GRTP1: variants seen among roughly 807,000 people sequenced by gnomAD.
The protein encoded by GRTP1 is growth hormone-regulated TBC protein 1.
A neutral mutation model predicts 38.1 loss-of-function variants in GRTP1; 56 were observed. That is an observed-to-expected ratio of 1.47 (90% CI 1.19 to 1.84). The LOEUF (loss-of-function observed/expected upper bound fraction) is 1.84. Ranked by LOEUF, GRTP1 falls within the 40% of genes most tolerant of loss-of-function variation. GRTP1 has a pLI of 0.00. For missense variants in GRTP1, 506 were observed against 453.9 expected, an observed-to-expected ratio of 1.11 and a Z score of -1.04; for synonymous variants, 217 against 189.5, an observed-to-expected ratio of 1.14 and a Z score of -1.19.
intron 5 of GRTP1, among the ~76,000 whole-genome samples, chr13:113,337,005 AAACT>A (rs1424398593): frequency 2.0e-5 from 3 of 152,228 alleles, no homozygotes; most frequent in Non-Finnish European, 4.4e-5. Context: ...TCAACTAAAC[AAACT>A]GAGGCCAGGC....
rs113299686 is a variant in GRTP1 at position 113,347,193 on chromosome 13, C to T, written c.466-2234G>A. Among the ~76,000 whole-genome samples, 27 of 30,022 alleles carry T rather than the reference C, an allele frequency of 9.0e-4. 1 individual carries two copies. The highest frequency in any genetic ancestry group is 6.4e-3 in the East Asian group (2 of 312). 19.7% of individuals were successfully genotyped at this position (30,022 alleles called of 152,430 possible). On this transcript the variant is annotated intron_variant, in intron 4 of 7. Transcript: ENST00000375431. ...GTGGCAGAGAGCAGACCCAGGAGGA[C>T]CTCTGTGGCCGAGAGCAGACCCAGG...
rs895446455 is a variant in GRTP1 at position 113,342,729 on chromosome 13, C to T, written c.562+2134G>A. On this transcript the variant is annotated intron_variant, in intron 5 of 7. Coordinates refer to ENST00000375431, the MANE Select transcript of GRTP1 (RefSeq NM_024719.4). The surrounding 1 kb of genome is among the most constrained non-coding windows in gnomAD (Gnocchi z 4.5). ...CTTAGAGAAGGACATATATTTGCCT[C>T]TTTTCTCTGCCGCTGGGAGAGCTCT... is the stretch of plus-strand genomic sequence containing the variant. Among the ~76,000 whole-genome samples, 2 of 152,198 alleles carry T rather than the reference C, an allele frequency of 1.3e-5. No homozygotes were observed. Among genetic ancestry groups the T allele is most frequent in the Non-Finnish European group, 2.9e-5 (2 of 68,032 alleles).
Position 113,325,716 on chromosome 13 carries a change from T to C in GRTP1, c.866A>G (p.Lys289Arg), listed in dbSNP as rs1312388382. Residue 289 changes from lysine to arginine, a missense_variant, in exon 7 of 8, where the codon AAG (lysine) becomes AGG (arginine). By Grantham distance (26) the Lys-to-Arg change is conservative. Coordinates refer to ENST00000375431, the MANE Select transcript of GRTP1 (RefSeq NM_024719.4). Reference protein sequence around the residue: ...EATSVPDICDKFKQITKGSFV... With the variant: ...EATSVPDICDRFKQITKGSFV... ...ACTCCCTTTGGTTATCTGCTTAAAC[T>C]TATCGCAAATGTCTGGAACGCTGGT... The C allele has an allele frequency of 6.2e-7, 1 of 1,614,136 alleles. No homozygotes were observed. Among genetic ancestry groups the C allele is most frequent in the East Asian group, 2.2e-5 (1 of 44,872 alleles).
intron 5 of GRTP1, among the ~76,000 whole-genome samples, chr13:113,336,466 T>C (rs2042956707): frequency 6.6e-6 from 1 of 152,058 alleles, no homozygotes; most frequent in Admixed American, 6.6e-5. Context: ...CAACTTGGAC[T>C]CAGCACCAGG....
chr13:113,336,404 A>G (rs1023782820), intron 5 of GRTP1, among the ~76,000 whole-genome samples: 7 of 151,802 alleles, frequency 4.6e-5, no homozygotes, highest in African/African-American at 1.5e-4. Context: ...TTCAGTCCCA[A>G]GTCCTCCTCT....
At chr13:113,326,225 G>T in intron 5 of GRTP1, 134 bp from the exon 6 acceptor site, 1 of 1,121,882 alleles carries the variant, frequency 8.9e-7, no homozygotes, top group Non-Finnish European at 1.2e-6. Context: ...CAAAGTTGGA[G>T]AGGAAGAGTC....
At chr13:113,338,911 T>A (rs1409825919) in intron 5 of GRTP1, among the ~76,000 whole-genome samples, 6 of 14,712 alleles carry the variant, frequency 4.1e-4, no homozygotes, top group Admixed American at 1.3e-3. Context: ...TGCTTAGATT[T>A]TTTTTTTTTT....
rs200366209 is a variant in GRTP1 at position 113,363,914 on chromosome 13, C to G, written c.33-4G>C. The stretch of plus-strand genomic sequence containing the variant: ...CTCGAATCCGTACGGGTCGATCCTG[C>G]AAAACCGAGAGAAGGAGGCCGGCGT... On this transcript the variant is annotated splice_polypyrimidine_tract_variant and splice_region_variant and intron_variant, in intron 1 of 7. Transcript: ENST00000375431. The G allele has an allele frequency of 3.7e-6, 6 of 1,609,036 alleles. No individual in the cohort carries two copies. In the East Asian group the frequency reaches 9.0e-5, roughly 24 times the overall value.
At chr13:113,337,754 C>A (rs2042973710) in intron 5 of GRTP1, among the ~76,000 whole-genome samples, 1 of 152,268 alleles carries the variant, frequency 6.6e-6, no homozygotes, top group Non-Finnish European at 1.5e-5. Flanking sequence ...GGGCGTGGCC[C>A]AGGCCACATG....
chr13:113,349,668 C>G lies in GRTP1; in HGVS notation c.465+1181G>C, dbSNP rs2043225569. 6.6e-6 allele frequency among the ~76,000 whole-genome samples: 1 copy of G among 152,212 alleles called. No individual in the cohort carries two copies. The highest frequency in any genetic ancestry group is 1.5e-5 in the Non-Finnish European group (1 of 68,034). ...TGGTGAGGACAGCGTGGTCCCGTGGCTCTGCTGCTGGCCTTTCACAGGGCG... is the reference window on the plus strand; with the variant it reads ...TGGTGAGGACAGCGTGGTCCCGTGGGTCTGCTGCTGGCCTTTCACAGGGCG... On this transcript the variant is annotated intron_variant, in intron 4 of 7. Transcript: ENST00000375431. This position sits in a 1 kb window ranked among gnomAD's most constrained non-coding sequence, Gnocchi z 5.0.
chr13:113,351,313 C>T (rs1372838139), intron 3 of GRTP1, among the ~76,000 whole-genome samples: 1 of 152,214 alleles, frequency 6.6e-6, no homozygotes, highest in Non-Finnish European at 1.5e-5. Context: ...CCTCGGACCT[C>T]GCGCGTAGCG....
chr13:113,329,539 G>A (rs770311220), intron 5 of GRTP1, among the ~76,000 whole-genome samples: 12 of 152,164 alleles, frequency 7.9e-5, no homozygotes, highest in South Asian at 2.1e-4. Context: ...AGCCGAGATC[G>A]TGCCACTGCA....
chr13:113,349,730 A>G lies in GRTP1; in HGVS notation c.465+1119T>C, dbSNP rs548878520. 3.3e-5 allele frequency among the ~76,000 whole-genome samples: 5 copies of G among 152,274 alleles called. No individual in the cohort carries two copies. The highest frequency in any genetic ancestry group is 1.2e-4 in the African/African-American group (5 of 41,550). ...ACGTCCACCCTTTCTCCTCGGGAGC[A>G]TTCACTCTGCCAGGTGCCAGGCCCA... is the stretch of plus-strand genomic sequence containing the variant. On this transcript the variant is annotated intron_variant, in intron 4 of 7. Coordinates refer to ENST00000375431, the MANE Select transcript of GRTP1 (RefSeq NM_024719.4). The surrounding 1 kb of genome is among the most constrained non-coding windows in gnomAD (Gnocchi z 5.0).
chr13:113,358,359 C>T (rs1431788984), intron 2 of GRTP1, among the ~76,000 whole-genome samples: 1 of 152,202 alleles, frequency 6.6e-6, no homozygotes, highest in African/African-American at 2.4e-5. Context: ...ACCATGTTCA[C>T]AGATTGCAAG....
At chr13:113,325,198 G>A (rs2042741454) in intron 7 of GRTP1, 1 of 1,100,692 alleles carries the variant, frequency 9.1e-7, no homozygotes, top group Non-Finnish European at 1.1e-6. Context: ...GCTGCACCCA[G>A]AGTGGCCCCG....
At position 113,349,009 on chromosome 13, in the gene GRTP1, TTC is replaced by T. The variant is rs1182166952; in HGVS notation, c.465+1838_465+1839del. Among the ~76,000 whole-genome samples, 1 of 152,234 alleles carries T rather than the reference TTC, an allele frequency of 6.6e-6. No individual in the cohort carries two copies. Among genetic ancestry groups the T allele is most frequent in the Non-Finnish European group, 1.5e-5 (1 of 68,040 alleles). On this transcript the variant is annotated intron_variant, in intron 4 of 7. Coordinates refer to ENST00000375431, the MANE Select transcript of GRTP1 (RefSeq NM_024719.4). The surrounding 1 kb of genome is among the most constrained non-coding windows in gnomAD (Gnocchi z 5.0). ...TCCAAAAGCCAGCTGTGCTCTGGCA[TTC>T]TGTTAGTATGTAACATTGTGTTTGT...
Position 113,326,026 on chromosome 13 carries a change from C to T in GRTP1, c.628G>A (p.Ala210Thr). ...AGGGCCCCCACAGCCGGCAGCTTCG[C>T]CCGCACCAGCTCCCCGAGGACCTCC... is the stretch of plus-strand genomic sequence containing the variant. ...DQEVLGELVR[A>T]KLPAVGALME... Residue 210 changes from alanine to threonine, a missense_variant, in exon 6 of 8, where the codon GCG becomes ACG. By Grantham distance (58) the Ala-to-Thr change is moderately conservative (BLOSUM62 0). Transcript: ENST00000375431. 1 of 1,613,430 alleles carries T rather than the reference C, an allele frequency of 6.2e-7. No individual in the cohort carries two copies. The highest frequency in any genetic ancestry group is 8.5e-7 in the Non-Finnish European group (1 of 1,179,898).
At position 113,347,500 on chromosome 13, in the gene GRTP1, CCG is replaced by C. The variant is rs1170905716; in HGVS notation, c.466-2543_466-2542del. Among the ~76,000 whole-genome samples, 51 of 50,564 alleles carry C rather than the reference CCG, an allele frequency of 1.0e-3. 1 individual carries two copies. Among genetic ancestry groups the C allele is most frequent in the Non-Finnish European group, 1.8e-3 (37 of 20,950 alleles). The allele number at this position is 50,564 out of a possible 152,430, so 33.2% of individuals were successfully genotyped here. A position where few individuals can be genotyped will look rare whatever the true frequency, so the allele number is the denominator to read the frequency against. ...AGCAGACCTGGGAGGACCTCTGTGG[CCG>C]AGAGCGGACCCAGGAGCACCTCTGT... On this transcript the variant is annotated intron_variant, in intron 4 of 7. Coordinates refer to ENST00000375431, the MANE Select transcript of GRTP1 (RefSeq NM_024719.4).
rs1029604195 is a variant in GRTP1 at position 113,343,124 on chromosome 13, C to T, written c.562+1739G>A. On this transcript the variant is annotated intron_variant, in intron 5 of 7. Transcript: ENST00000375431. The surrounding 1 kb of genome is among the most constrained non-coding windows in gnomAD (Gnocchi z 4.8). ...ATGTGGTGAAAAGAACTGCATGGCC[C>T]ACGGCTGTGAAGATTCGCCATGATT... Among the ~76,000 whole-genome samples, 1 of 152,106 alleles carries T rather than the reference C, an allele frequency of 6.6e-6. No individual in the cohort carries two copies. Among genetic ancestry groups the T allele is most frequent in the Non-Finnish European group, 1.5e-5 (1 of 68,022 alleles).
Sources: gnomAD v4.1 joint callset for allele counts (sites outside exome capture counted in the v4.1 genomes callset) on GRCh38, gnomAD v4.1.1 for gene constraint, Gnocchi (gnomAD v3.1) non-coding constraint, MANE v1.5 for transcripts, NCBI Gene and HGNC (gene_info 2026-07-23, HGNC 2026-07-21) for gene names.